The following PHIP variants were observed in gnomAD, a reference collection of about 807,000 sequenced individuals.
PHIP encodes PHIP subunit of CUL4-Ring ligase complex, also known as PH-interacting protein.
In PHIP, 54 loss-of-function variants were observed where a neutral mutation model predicts 236.8. That is an observed-to-expected ratio of 0.23 (90% CI 0.18 to 0.29). The LOEUF (loss-of-function observed/expected upper bound fraction) is 0.29, where lower values mean the gene tolerates loss of function less well. PHIP is among the 10% of genes least tolerant of loss of function. The probability of loss-of-function intolerance (pLI) is 1.00; values close to 1 mark genes in which losing one functional copy is unlikely to be tolerated. For missense variants in PHIP, 1,370 were observed against 2,190.8 expected (o/e 0.63, Z 7.48); for synonymous variants, 756 against 718.9 (o/e 1.05, Z -0.83).
chr6:79,053,780 A>C (rs1329487395), intron 6 of PHIP, among the ~76,000 whole-genome samples: 1 of 152,208 alleles, frequency 6.6e-6, no homozygotes, highest in Non-Finnish European at 1.5e-5. Context: ...ACTCTGGAAA[A>C]ATATGTGATG....
intron 19 of PHIP, among the ~76,000 whole-genome samples, chr6:78,993,010 C>A (rs542533974): frequency 1.8e-4 from 27 of 152,336 alleles, no homozygotes; most frequent in African/African-American, 6.5e-4. Context: ...GTTAAATATG[C>A]TACTCCAGTG....
At chr6:79,024,633 T>A (rs896147579) in intron 9 of PHIP, among the ~76,000 whole-genome samples, 1 of 152,006 alleles carries the variant, frequency 6.6e-6, no homozygotes, top group Non-Finnish European at 1.5e-5. Context: ...TGAAACCCTG[T>A]CTCTACTAAA....
intron 10 of PHIP, among the ~76,000 whole-genome samples, chr6:79,018,528 C>A (rs914528843): frequency 5.9e-5 from 9 of 151,922 alleles, no homozygotes; most frequent in African/African-American, 1.4e-4. Flanking sequence ...CAATTTACTA[C>A]AAATAACCAG....
chr6:78,973,024 G>A (rs1473625031), intron 24 of PHIP, among the ~76,000 whole-genome samples: 1 of 152,062 alleles, frequency 6.6e-6, no homozygotes, highest in Non-Finnish European at 1.5e-5. Context: ...GAAATACAGA[G>A]AACGCCATAA....
At chr6:78,998,489 G>T (rs1769771434) in intron 17 of PHIP, 98 bp from the exon 18 acceptor site, 2 of 862,910 alleles carry the variant, frequency 2.3e-6, no homozygotes, top group South Asian at 2.1e-5. Context: ...AAACATAAAT[G>T]TTGCTTGGGT....
chr6:79,062,875 G>A (rs1773447167), intron 4 of PHIP, among the ~76,000 whole-genome samples: 1 of 152,134 alleles, frequency 6.6e-6, no homozygotes, highest in Non-Finnish European at 1.5e-5. Context: ...TCATGTCTCA[G>A]TCTATGTCTC....
At chr6:79,045,319 G>C (rs1375859116) in intron 6 of PHIP, among the ~76,000 whole-genome samples, 1 of 152,068 alleles carries the variant, frequency 6.6e-6, no homozygotes, top group Non-Finnish European at 1.5e-5. Context: ...CAACTGAAGA[G>C]GTTGAATTTG....
chr6:79,004,348 A>T, intron 15 of PHIP: 1 of 932,630 alleles, frequency 1.1e-6, no homozygotes, highest in Non-Finnish European at 1.3e-6. Flanking sequence ...TGAATTTCAA[A>T]GGTTAAAGAA....
chr6:79,017,144 G>A (rs980144713), intron 12 of PHIP, among the ~76,000 whole-genome samples: 1 of 151,904 alleles, frequency 6.6e-6, no homozygotes, highest in Non-Finnish European at 1.5e-5. Context: ...ATTACTAAAA[G>A]TGTCCAAGTA....
At chr6:78,999,636 C>T (rs1472130659) in intron 17 of PHIP, among the ~76,000 whole-genome samples, 15 of 151,702 alleles carry the variant, frequency 9.9e-5, no homozygotes, top group Admixed American at 9.8e-4. Flanking sequence ...AAGAAGGGAG[C>T]AATTAGTATC....
rs996791908 is a variant in PHIP, at chr6:78,988,194, G to A, written c.2460+15C>T. 4 of 1,520,840 alleles carry A rather than the reference G, an allele frequency of 2.6e-6. No homozygotes were observed. The East Asian group carries it at 9.4e-5, about 36-fold the overall frequency. The allele number at this position is 1,520,840 out of a possible 1,614,324, so 94.2% of individuals were successfully genotyped here. A position where few individuals can be genotyped will look rare whatever the true frequency, so the allele number is the denominator to read the frequency against. ...TAAAAATGACATCTAATTTATGAAT[G>A]TGCTGATATCTTACATCTGAAGAAC... On this transcript the variant is annotated intron_variant, in intron 21 of 39. Coordinates refer to ENST00000275034, the MANE Select transcript of PHIP (RefSeq NM_017934.7).
intron 12 of PHIP, among the ~76,000 whole-genome samples, chr6:79,016,888 T>C (rs1201578568): frequency 6.6e-6 from 1 of 151,886 alleles, no homozygotes; most frequent in East Asian, 1.9e-4. Flanking sequence ...AGAAATAAAA[T>C]CGACATTTTC....
intron 23 of PHIP, among the ~76,000 whole-genome samples, chr6:78,979,210 T>C (rs1353825890): frequency 6.6e-6 from 1 of 152,004 alleles, no homozygotes; most frequent in Non-Finnish European, 1.5e-5. Context: ...CTAGAAAAAA[T>C]GGCAGCAGTG....
At chr6:78,987,542 A>C (rs1235922892) in intron 21 of PHIP, among the ~76,000 whole-genome samples, 1 of 152,142 alleles carries the variant, frequency 6.6e-6, no homozygotes, top group East Asian at 1.9e-4. Context: ...CATGGCTTCA[A>C]AAGTGTATAG....
intron 17 of PHIP, among the ~76,000 whole-genome samples, chr6:78,999,621 G>C (rs189027098): frequency 6.6e-6 from 1 of 151,980 alleles, no homozygotes; most frequent in African/African-American, 2.4e-5. Flanking sequence ...ATTGCCATGA[G>C]TATAAAGAAG....
At chr6:79,051,200 T>G (rs2127765925) in intron 6 of PHIP, among the ~76,000 whole-genome samples, 1 of 152,268 alleles carries the variant, frequency 6.6e-6, no homozygotes, top group Non-Finnish European at 1.5e-5. Context: ...GGTTTACTCC[T>G]ACAGTACCAT....
chr6:78,968,247 TTACCTAC>T (rs750017958), intron 27 of PHIP, among the ~76,000 whole-genome samples: 5 of 152,046 alleles, frequency 3.3e-5, no homozygotes, highest in Admixed American at 6.5e-5. Context: ...TTCATCTATT[TTACCTAC>T]TACTTCTTGA....
At chr6:78,975,654 C>G (rs1247974452) in intron 24 of PHIP, among the ~76,000 whole-genome samples, 1 of 152,168 alleles carries the variant, frequency 6.6e-6, no homozygotes, top group Non-Finnish European at 1.5e-5. Flanking sequence ...TCTCCTTAAG[C>G]TGATAAGCAA....
intron 4 of PHIP, among the ~76,000 whole-genome samples, chr6:79,066,646 C>A (rs2127776779): frequency 6.6e-6 from 1 of 152,202 alleles, no homozygotes; most frequent in African/African-American, 2.4e-5. Flanking sequence ...ACTAAGGAAA[C>A]TAGCATAAAA....
Sources: gnomAD v4.1 joint callset for allele counts (sites outside exome capture counted in the v4.1 genomes callset) on GRCh38, gnomAD v4.1.1 for gene constraint, MANE v1.5 for transcripts, NCBI Gene and HGNC (gene_info 2026-07-23, HGNC 2026-07-21) for gene names.